Variants in FRYL observed in about 807,000 individuals in gnomAD.
The protein encoded by FRYL is protein furry homolog-like.
FRYL carries 150 observed loss-of-function variants against 351.2 expected under a neutral mutation model. The ratio of observed to expected loss-of-function variants is 0.43; its 90% CI spans 0.37 to 0.49. FRYL has a LOEUF of 0.49. Among genes scored for constraint, FRYL ranks in the 20% least tolerant of loss-of-function variants. FRYL has a pLI of 0.00. For missense variants in FRYL, 3,036 were observed against 3,619.3 expected (o/e 0.84, Z 4.13); for synonymous variants, 1,153 against 1,257.1 (o/e 0.92, Z 1.75).
chr4:48,562,979 T>C lies in FRYL; in HGVS notation c.3606A>G (p.Gln1202=), dbSNP rs574079248. ...IANVFQNRDY[Q]CDTVMLLNLI... ...GATTTAGAAGCATCACTGTGTCACA[T>C]TGATAATCCCTAGGAATAAATTTTA... is the stretch of plus-strand genomic sequence containing the variant. The change falls in exon 32 of 64, where the codon CAA becomes CAG. Residue 1202 remains glutamine, a synonymous_variant. Coordinates refer to ENST00000358350, the MANE Select transcript of FRYL (RefSeq NM_015030.2). The C allele has an allele frequency of 3.1e-5, 49 of 1,580,316 alleles. No homozygotes were observed. The highest frequency in any genetic ancestry group is 1.2e-4 in the South Asian group (11 of 89,630).
At chr4:48,678,622 C>A (rs1483189105) in intron 3 of FRYL, among the ~76,000 whole-genome samples, 1 of 150,524 alleles carries the variant, frequency 6.6e-6, no homozygotes, top group Non-Finnish European at 1.5e-5. Context: ...CAAATAATTT[C>A]TTTAAATTAA....
chr4:48,531,726 CTAAAATT>C (rs1383402923), intron 49 of FRYL, among the ~76,000 whole-genome samples: 1 of 152,136 alleles, frequency 6.6e-6, no homozygotes, highest in Non-Finnish European at 1.5e-5. Flanking sequence ...CTTTGAGACT[CTAAAATT>C]TAAGTATTTT....
chr4:48,749,044 C>A (rs772298428), intron 1 of FRYL, among the ~76,000 whole-genome samples: 1 of 152,114 alleles, frequency 6.6e-6, no homozygotes, highest in Non-Finnish European at 1.5e-5. Context: ...AGGCGATAAG[C>A]AACATCATAA....
At chr4:48,751,301 T>C (rs1266448578) in intron 1 of FRYL, among the ~76,000 whole-genome samples, 2 of 152,026 alleles carry the variant, frequency 1.3e-5, no homozygotes, top group Non-Finnish European at 2.9e-5. Context: ...ATGATGAAGA[T>C]TTAAAATAAT....
chr4:48,701,461 A>G (rs1766707284), intron 2 of FRYL, among the ~76,000 whole-genome samples: 1 of 152,202 alleles, frequency 6.6e-6, no homozygotes, highest in Admixed American at 6.5e-5. Context: ...GAAGAAAAGG[A>G]GAGGAAAAAG....
At chr4:48,759,694 T>C (rs1774199102) in intron 1 of FRYL, among the ~76,000 whole-genome samples, 2 of 151,974 alleles carry the variant, frequency 1.3e-5, no homozygotes, top group South Asian at 4.2e-4. Context: ...AAAGGATCCT[T>C]CCGCCTCGGC....
chr4:48,547,018 G>A (rs1390971564), intron 41 of FRYL, among the ~76,000 whole-genome samples: 2 of 151,828 alleles, frequency 1.3e-5, no homozygotes, highest in African/African-American at 4.8e-5. Flanking sequence ...TGAAAAAAAA[G>A]TTTCTAGATC....
intron 34 of FRYL, 39 bp from the exon 35 acceptor site, chr4:48,557,157 T>C: frequency 6.5e-7 from 1 of 1,547,648 alleles, no homozygotes; most frequent in Non-Finnish European, 8.8e-7. Flanking sequence ...CAGTCATGAC[T>C]GCCTATTATA....
intron 1 of FRYL, among the ~76,000 whole-genome samples, chr4:48,717,247 A>G (rs1039874411): frequency 2.0e-5 from 3 of 151,286 alleles, no homozygotes; most frequent in African/African-American, 7.3e-5. Context: ...CATTGTGCAC[A>G]TGTACCCTAA....
chr4:48,598,442 A>C (rs35623609), intron 13 of FRYL, among the ~76,000 whole-genome samples: 1 of 152,194 alleles, frequency 6.6e-6, no homozygotes, highest in Non-Finnish European at 1.5e-5. Context: ...GTACCCACAA[A>C]AATTAAAAAT....
chr4:48,622,845 T>C (rs773688698), intron 5 of FRYL, among the ~76,000 whole-genome samples: 1 of 151,974 alleles, frequency 6.6e-6, no homozygotes, highest in Non-Finnish European at 1.5e-5. Context: ...AGTGTGGCAA[T>C]TGATACAGAA....
At chr4:48,623,263 T>G in intron 4 of FRYL, 84 bp from the exon 5 acceptor site, 1 of 822,144 alleles carries the variant, frequency 1.2e-6, no homozygotes, top group Non-Finnish European at 1.9e-6. Context: ...ATAAACAGTT[T>G]AGATTTGTGC....
intron 40 of FRYL, among the ~76,000 whole-genome samples, chr4:48,548,199 C>T (rs1295635855): frequency 6.6e-6 from 1 of 152,106 alleles, no homozygotes; most frequent in African/African-American, 2.4e-5. Flanking sequence ...GGACTTGCTT[C>T]AGGAAGCCAA....
At chr4:48,532,378 C>T (rs73246030) in intron 49 of FRYL, among the ~76,000 whole-genome samples, 24,198 of 152,212 alleles carry the variant, frequency 0.16, 2,573 homozygotes, top group Middle Eastern at 0.27. Flanking sequence ...AGTTTAAAGG[C>T]CGGGAGCAAT....
At chr4:48,656,720 A>C (rs1315017313) in intron 3 of FRYL, among the ~76,000 whole-genome samples, 3 of 57,364 alleles carry the variant, frequency 5.2e-5, no homozygotes, top group Non-Finnish European at 6.3e-5. Context: ...ATGTATATAT[A>C]TGACTGACTA....
chr4:48,516,658 T>C (rs1723685167), intron 55 of FRYL, among the ~76,000 whole-genome samples: 1 of 152,228 alleles, frequency 6.6e-6, no homozygotes. Flanking sequence ...GTAAAACTCA[T>C]CTATAAAATG....
chr4:48,576,018 T>G lies in FRYL; in HGVS notation c.2721+12A>C. 1 of 1,557,716 alleles carries G rather than the reference T, an allele frequency of 6.4e-7. No homozygotes were observed. The highest frequency in any genetic ancestry group is 8.7e-7 in the Non-Finnish European group (1 of 1,154,556). ...GATTTCATATATCCAACAGTGGATC[T>G]GAGAAACTTACTTTAGAATCAATGC... On this transcript the variant is annotated intron_variant, in intron 24 of 63. Coordinates refer to ENST00000358350, the MANE Select transcript of FRYL (RefSeq NM_015030.2).
chr4:48,739,196 T>G (rs898959584), intron 1 of FRYL, among the ~76,000 whole-genome samples: 1 of 152,030 alleles, frequency 6.6e-6, no homozygotes, highest in South Asian at 2.1e-4. Flanking sequence ...AGGCCAGGCG[T>G]TGAAGACCAG....
chr4:48,634,772 C>T (rs1404056630), intron 3 of FRYL, among the ~76,000 whole-genome samples: 2 of 151,892 alleles, frequency 1.3e-5, no homozygotes, highest in Non-Finnish European at 2.9e-5. Flanking sequence ...ATGGTAAATC[C>T]CAAGTACCTA....
Sources: allele counts gnomAD v4.1 joint callset (sites outside exome capture counted in the v4.1 genomes callset), GRCh38; gene constraint gnomAD v4.1.1; transcripts MANE v1.5; gene names NCBI Gene and HGNC (gene_info 2026-07-23, HGNC 2026-07-21).